CTNND2: variants seen among roughly 807,000 people sequenced by gnomAD.
CTNND2 encodes catenin delta 2, also known as catenin delta-2.
CTNND2 carries 22 observed loss-of-function variants against 144.4 expected under a neutral mutation model. The observed-to-expected ratio is 0.15, with a 90% CI of 0.11 to 0.22. The LOEUF is 0.22. CTNND2 is among the 10% of genes least tolerant of loss of function. The pLI, the probability that CTNND2 is intolerant of heterozygous loss-of-function variation, is 1.00. For synonymous variants in CTNND2, 751 were observed against 695.6 expected, an observed-to-expected ratio of 1.08 and a Z score of -1.25; for missense variants, 1,353 against 1,618.8, an observed-to-expected ratio of 0.84 and a Z score of 2.82.
chr5:11,478,071 C>G (rs1254319360), intron 3 of CTNND2, among the ~76,000 whole-genome samples: 2 of 152,132 alleles, frequency 1.3e-5, no homozygotes, highest in Admixed American at 6.5e-5. Flanking sequence ...GTTAAGCAGT[C>G]TACTGGAATT....
intron 3 of CTNND2, among the ~76,000 whole-genome samples, chr5:11,557,913 G>T (rs533926726): frequency 6.6e-6 from 1 of 152,220 alleles, no homozygotes; most frequent in Non-Finnish European, 1.5e-5. Flanking sequence ...AATCCAGGAG[G>T]GAATTAGCCT....
chr5:11,750,224 T>A (rs775470020), intron 1 of CTNND2, among the ~76,000 whole-genome samples: 2 of 151,974 alleles, frequency 1.3e-5, no homozygotes, highest in Non-Finnish European at 2.9e-5. Flanking sequence ...CTGTTATGAC[T>A]TGTTTTGGTT....
intron 16 of CTNND2, among the ~76,000 whole-genome samples, chr5:11,040,824 C>T (rs980458186): frequency 2.6e-5 from 4 of 152,232 alleles, no homozygotes; most frequent in African/African-American, 9.6e-5. Context: ...AAATAATTAT[C>T]TCAATTCATT....
At chr5:11,402,750 A>G (rs1760742536) in intron 5 of CTNND2, among the ~76,000 whole-genome samples, 1 of 152,246 alleles carries the variant, frequency 6.6e-6, no homozygotes, top group African/African-American at 2.4e-5. Context: ...AAAGCTTCAG[A>G]GTTGACGGGC....
At chr5:11,304,870 G>A (rs1339571900) in intron 9 of CTNND2, among the ~76,000 whole-genome samples, 1 of 152,204 alleles carries the variant, frequency 6.6e-6, no homozygotes, top group Non-Finnish European at 1.5e-5. Flanking sequence ...TTTCCCACTA[G>A]TCTAAGCTCA....
intron 1 of CTNND2, among the ~76,000 whole-genome samples, chr5:11,786,647 C>T (rs1431608206): frequency 6.6e-6 from 1 of 152,162 alleles, no homozygotes; most frequent in Non-Finnish European, 1.5e-5. Flanking sequence ...AAGTTTGTGC[C>T]TTATTTCGGA....
intron 2 of CTNND2, among the ~76,000 whole-genome samples, chr5:11,636,742 C>T (rs1408355555): frequency 6.6e-6 from 1 of 152,102 alleles, no homozygotes; most frequent in African/African-American, 2.4e-5. Flanking sequence ...TGAAGTGCAA[C>T]CATTTGGAGC....
chr5:11,350,825 T>C lies in CTNND2; in HGVS notation c.1373-4198A>G, dbSNP rs143766585. ...AACCATTAGTAATGTAACAATGTAA[T>C]ACCTTACTTTGTAAAAGTATATATG... On this transcript the variant is annotated intron_variant, in intron 8 of 21. Transcript: ENST00000304623. 1.1e-3 allele frequency among the ~76,000 whole-genome samples: 163 copies of C among 152,342 alleles called. 1 individual carries two copies. The highest frequency in any genetic ancestry group is 6.8e-3 in the Middle Eastern group (2 of 294).
intron 5 of CTNND2, among the ~76,000 whole-genome samples, chr5:11,405,735 C>A (rs1206150742): frequency 1.3e-5 from 2 of 152,080 alleles, no homozygotes; most frequent in Admixed American, 6.6e-5. Context: ...TCTATTTTTG[C>A]TACTGCTAAC....
intron 3 of CTNND2, among the ~76,000 whole-genome samples, chr5:11,462,548 AT>A (rs5865942): frequency 4.5e-4 from 67 of 149,654 alleles, no homozygotes; most frequent in African/African-American, 9.8e-4. Flanking sequence ...GAAAGATTCT[AT>A]TTTTTTTTTC....
chr5:11,246,959 C>T (rs963252546), intron 9 of CTNND2, among the ~76,000 whole-genome samples: 2 of 152,128 alleles, frequency 1.3e-5, no homozygotes, highest in Admixed American at 6.5e-5. Flanking sequence ...TGTCCGACAT[C>T]GCAGGCCTCT....
chr5:11,320,141 C>T (rs983260980), intron 9 of CTNND2, among the ~76,000 whole-genome samples: 1 of 152,178 alleles, frequency 6.6e-6, no homozygotes, highest in Admixed American at 6.5e-5. Context: ...TGGCATAGTT[C>T]ACTTACAACA....
chr5:11,785,175 T>A (rs569659335), intron 1 of CTNND2, among the ~76,000 whole-genome samples: 6 of 152,256 alleles, frequency 3.9e-5, no homozygotes, highest in Admixed American at 6.5e-5. Context: ...ATTGTGTATA[T>A]TGGTAATTAT....
intron 2 of CTNND2, among the ~76,000 whole-genome samples, chr5:11,574,027 TG>T (rs1777777445): frequency 6.6e-6 from 1 of 152,168 alleles, no homozygotes; most frequent in Non-Finnish European, 1.5e-5. Context: ...CAATATTATA[TG>T]GGTGACTCTA....
At chr5:11,115,243 C>A (rs2973500) in intron 13 of CTNND2, among the ~76,000 whole-genome samples, 1,716 of 152,330 alleles carry the variant, frequency 0.011, 38 homozygotes, top group African/African-American at 0.038. Flanking sequence ...GGTCATCTGA[C>A]AGAAAGAAGA....
intron 1 of CTNND2, among the ~76,000 whole-genome samples, chr5:11,807,140 A>G (rs1792048688): frequency 6.6e-6 from 1 of 152,162 alleles, no homozygotes. Context: ...ATAGTTCAGG[A>G]GGATTTCATA....
chr5:11,443,191 G>GTA (rs1764434485), intron 3 of CTNND2, among the ~76,000 whole-genome samples: 1 of 149,550 alleles, frequency 6.7e-6, no homozygotes, highest in African/African-American at 2.5e-5. Flanking sequence ...TGTGTGGTGT[G>GTA]TGTGTGTGTG....
intron 12 of CTNND2, among the ~76,000 whole-genome samples, chr5:11,132,756 T>C (rs182680784): frequency 1.6e-3 from 242 of 152,312 alleles, no homozygotes; most frequent in African/African-American, 5.3e-3. Flanking sequence ...CTCCAAGAGC[T>C]CTTGGATCAA....
In CTNND2 at chr5:11,187,317, G is replaced by C. The variant is rs377286416; in HGVS notation, c.1975+12131C>G. Among the ~76,000 whole-genome samples, 4 of 152,218 alleles carry C rather than the reference G, an allele frequency of 2.6e-5. No homozygotes were observed. In the East Asian group the frequency reaches 5.8e-4, roughly 22 times the overall value. ...GAAGACTGCACATCTACAACCATCT[G>C]ATCTTTGACAAACCTAACAAAAACA... On this transcript the variant is annotated intron_variant, in intron 11 of 21. Coordinates refer to ENST00000304623, the MANE Select transcript of CTNND2 (RefSeq NM_001332.4).
Sources: gnomAD v4.1 joint callset for allele counts (sites outside exome capture counted in the v4.1 genomes callset) on GRCh38, gnomAD v4.1.1 for gene constraint, MANE v1.5 for transcripts, NCBI Gene and HGNC (gene_info 2026-07-23, HGNC 2026-07-21) for gene names.